EXT2: variants seen among roughly 807,000 people sequenced by gnomAD.
The protein encoded by EXT2 is exostosin-2.
In EXT2, 53 loss-of-function variants were observed where a neutral mutation model predicts 81.6. The ratio of observed to expected loss-of-function variants is 0.65; its 90% confidence interval spans 0.52 to 0.82. The LOEUF is 0.82. Among genes scored for constraint, EXT2 ranks in the 40% least tolerant of loss-of-function variants. The pLI, the probability that EXT2 is intolerant of heterozygous loss-of-function variation, is 0.00. For missense variants in EXT2, 774 were observed against 910.2 expected (o/e 0.85, Z 1.93); for synonymous variants, 320 against 340.0 (o/e 0.94, Z 0.65).
At chr11:44,213,674 G>T (rs948949275) in intron 10 of EXT2, among the ~76,000 whole-genome samples, 1 of 152,202 alleles carries the variant, frequency 6.6e-6, no homozygotes, top group Non-Finnish European at 1.5e-5. Context: ...GAATTCTCCA[G>T]TGTGAACAAC....
intron 7 of EXT2, among the ~76,000 whole-genome samples, chr11:44,148,968 A>G (rs1223947679): frequency 6.6e-6 from 1 of 152,146 alleles, no homozygotes. Context: ...TGTGTTGAAG[A>G]TTGTTTCTAG....
chr11:44,102,416 C>T (rs979521162), intron 1 of EXT2, among the ~76,000 whole-genome samples: 7 of 151,958 alleles, frequency 4.6e-5, no homozygotes, highest in African/African-American at 1.7e-4. Flanking sequence ...AGCCTAAGAA[C>T]ACACTTTTTA....
intron 7 of EXT2, among the ~76,000 whole-genome samples, chr11:44,163,501 T>C (rs1328254928): frequency 1.3e-5 from 2 of 152,254 alleles, no homozygotes; most frequent in Non-Finnish European, 2.9e-5. Flanking sequence ...AAGTTGGGAA[T>C]GCTCGTTGCT....
chr11:44,230,153 A>G (rs1955882294), intron 10 of EXT2, among the ~76,000 whole-genome samples: 1 of 152,186 alleles, frequency 6.6e-6, no homozygotes, highest in African/African-American at 2.4e-5. Context: ...GGGACCTGAC[A>G]GATGAGAAGG....
At position 44,245,053 on chromosome 11, in the gene EXT2, G is replaced by A; in HGVS notation, c.*766G>A. The A allele has an allele frequency of 4.3e-6, 1 of 232,286 alleles. No individual in the cohort carries two copies. The highest frequency in any genetic ancestry group is 8.5e-6 in the Non-Finnish European group (1 of 117,468). The allele number at this position is 232,286 out of a possible 1,614,324, so 14.4% of individuals were successfully genotyped here. On this transcript the variant is annotated 3_prime_UTR_variant, in exon 14 of 14. Coordinates refer to ENST00000533608, the MANE Select transcript of EXT2 (RefSeq NM_207122.2). Reference sequence around the variant, plus strand: ...GCCCATGTCTGGGAACACACGCCAGGAGGAATGTCTGATACCCTCTGCATC... The same window carrying A: ...GCCCATGTCTGGGAACACACGCCAGAAGGAATGTCTGATACCCTCTGCATC...
chr11:44,142,549 G>GT (rs1046251900), intron 7 of EXT2, among the ~76,000 whole-genome samples: 14 of 152,284 alleles, frequency 9.2e-5, no homozygotes, highest in African/African-American at 1.9e-4. Context: ...GGGACAAGTG[G>GT]TTTTTTTCCA....
At chr11:44,115,554 T>C (rs977754690) in intron 4 of EXT2, among the ~76,000 whole-genome samples, 3 of 152,178 alleles carry the variant, frequency 2.0e-5, no homozygotes, top group Admixed American at 1.3e-4. Context: ...AATAAAAGCA[T>C]CCTTTACTTG....
intron 1 of EXT2, among the ~76,000 whole-genome samples, chr11:44,100,157 G>T (rs1953961291): frequency 6.6e-6 from 1 of 152,218 alleles, no homozygotes; most frequent in Non-Finnish European, 1.5e-5. Context: ...GCTCAAGTGT[G>T]CACCCTTCTG....
chr11:44,096,417 G>T, intron 1 of EXT2: 1 of 1,282,392 alleles, frequency 7.8e-7, no homozygotes, highest in Admixed American at 2.0e-5. Context: ...ATGGCCGGGG[G>T]CGTGTTAGGC....
At chr11:44,112,889 C>A (rs75710136) in intron 3 of EXT2, among the ~76,000 whole-genome samples, 1 of 152,168 alleles carries the variant, frequency 6.6e-6, no homozygotes, top group Non-Finnish European at 1.5e-5. Context: ...TAATCACCCA[C>A]GACCCTGGCT....
At chr11:44,198,553 G>A (rs994977991) in intron 9 of EXT2, among the ~76,000 whole-genome samples, 20 of 152,152 alleles carry the variant, frequency 1.3e-4, no homozygotes. Context: ...TCTGCTGGCT[G>A]GCAGCTAGGG....
At position 44,163,999 on chromosome 11, in the gene EXT2, G is replaced by A. The variant is rs75605065; in HGVS notation, c.1174-7612G>A. On this transcript the variant is annotated intron_variant, in intron 7 of 13. Transcript: ENST00000533608. The stretch of plus-strand genomic sequence containing the variant: ...ACACTATATTAGAGTGTTTGATATC[G>A]TCCTACAGTTCTAGAGTACTCTGTT... 1.5e-3 allele frequency among the ~76,000 whole-genome samples: 224 copies of A among 151,906 alleles called. 2 individuals are homozygous for A. Among genetic ancestry groups the A allele is most frequent in the African/African-American group, 5.0e-3 (205 of 41,412 alleles).
At chr11:44,154,579 G>T (rs1334715628) in intron 7 of EXT2, among the ~76,000 whole-genome samples, 1 of 152,126 alleles carries the variant, frequency 6.6e-6, no homozygotes, top group Non-Finnish European at 1.5e-5. Flanking sequence ...TGGCTGTTGT[G>T]AATAGTGCTA....
intron 7 of EXT2, among the ~76,000 whole-genome samples, chr11:44,135,390 CTTTTT>C (rs10707708): frequency 5.2e-5 from 6 of 116,310 alleles, no homozygotes; most frequent in Admixed American, 9.0e-5. Context: ...GATGGAAATA[CTTTTT>C]TTTTTTTTTT....
At chr11:44,165,328 G>A (rs1029019617) in intron 7 of EXT2, among the ~76,000 whole-genome samples, 2 of 152,210 alleles carry the variant, frequency 1.3e-5, no homozygotes, top group African/African-American at 2.4e-5. Flanking sequence ...CTGTGGACAA[G>A]CAGGCTATAC....
At chr11:44,194,610 A>G (rs1955434051) in intron 8 of EXT2, among the ~76,000 whole-genome samples, 1 of 151,944 alleles carries the variant, frequency 6.6e-6, no homozygotes, top group African/African-American at 2.4e-5. Flanking sequence ...ATCATTTGCT[A>G]TTTCTAGTTC....
At chr11:44,229,337 G>A (rs1161201566) in intron 10 of EXT2, among the ~76,000 whole-genome samples, 1 of 152,244 alleles carries the variant, frequency 6.6e-6, no homozygotes, top group East Asian at 1.9e-4. Context: ...CACAGCAGCA[G>A]CATTACACGT....
intron 11 of EXT2, among the ~76,000 whole-genome samples, chr11:44,233,569 T>C (rs1464802660): frequency 6.6e-6 from 1 of 152,186 alleles, no homozygotes; most frequent in African/African-American, 2.4e-5. Context: ...CAATCATAAC[T>C]TGTCTGTTGT....
chr11:44,251,795 C>G lies in EXT2; in HGVS notation c.*7508C>G, dbSNP rs1183882215. ...GATGGGTTCCTTCAGTCAACAAATA[C>G]TTATTGAGCAGTTATTGTGTGCCAG... On this transcript the variant is annotated 3_prime_UTR_variant, in exon 14 of 14. Coordinates refer to ENST00000533608, the MANE Select transcript of EXT2 (RefSeq NM_207122.2). Among the ~76,000 whole-genome samples, 1 of 152,122 alleles carries G rather than the reference C, an allele frequency of 6.6e-6. No individual in the cohort carries two copies. Among genetic ancestry groups the G allele is most frequent in the African/African-American group, 2.4e-5 (1 of 41,408 alleles).
Sources: gnomAD v4.1 joint callset for allele counts (sites outside exome capture counted in the v4.1 genomes callset) on GRCh38, gnomAD v4.1.1 for gene constraint, MANE v1.5 for transcripts, NCBI Gene and HGNC (gene_info 2026-07-23, HGNC 2026-07-21) for gene names.